Variants in JARID2 observed in about 807,000 individuals in gnomAD.
JARID2 encodes the protein protein Jumonji.
A neutral mutation model predicts 125.6 loss-of-function variants in JARID2; 21 were observed. The ratio of observed to expected loss-of-function variants is 0.17; its 90% CI spans 0.12 to 0.24. The LOEUF (loss-of-function observed/expected upper bound fraction) is 0.24, where lower values mean the gene tolerates loss of function less well. Among genes scored for constraint, JARID2 ranks in the 10% least tolerant of loss-of-function variants. The probability of loss-of-function intolerance (pLI) is 1.00; values close to 1 mark genes in which losing one functional copy is unlikely to be tolerated. For synonymous variants in JARID2, 736 were observed against 661.6 expected (o/e 1.11, Z -1.73); for missense variants, 1,303 against 1,639.6 (o/e 0.79, Z 3.55).
At chr6:15,283,017 T>G (rs147518452) in intron 1 of JARID2, among the ~76,000 whole-genome samples, 2 of 152,146 alleles carry the variant, frequency 1.3e-5, no homozygotes, top group Non-Finnish European at 2.9e-5. Flanking sequence ...CTCACTCTGT[T>G]GCCCAGGCTG....
chr6:15,254,475 T>C (rs1327337072), intron 1 of JARID2, among the ~76,000 whole-genome samples: 1 of 152,170 alleles, frequency 6.6e-6, no homozygotes, highest in Non-Finnish European at 1.5e-5. Context: ...GATGTGTTAA[T>C]GAGGCGGTGT....
At chr6:15,504,897 T>C (rs760658) in intron 9 of JARID2, among the ~76,000 whole-genome samples, 138,267 of 152,260 alleles carry the variant, frequency 0.91, 62,830 homozygotes, top group African/African-American at 0.95. Context: ...CACCCGGCTG[T>C]TTCTCACCCC....
intron 2 of JARID2, among the ~76,000 whole-genome samples, chr6:15,400,239 C>T (rs1462444480): frequency 6.6e-6 from 1 of 151,922 alleles, no homozygotes; most frequent in Non-Finnish European, 1.5e-5. Context: ...AGCGGTGGCC[C>T]ATGCGGTCAC....
chr6:15,445,560 T>C (rs1322450307), intron 3 of JARID2, among the ~76,000 whole-genome samples: 3 of 152,132 alleles, frequency 2.0e-5, no homozygotes, highest in Non-Finnish European at 4.4e-5. Context: ...TAGGGATCTT[T>C]CCCCCTTCGA....
At chr6:15,503,552 C>T (rs1561911011) in intron 8 of JARID2, among the ~76,000 whole-genome samples, 5 of 152,288 alleles carry the variant, frequency 3.3e-5, no homozygotes, top group Admixed American at 3.3e-4. Flanking sequence ...CTCTACATGA[C>T]ACCTGGCACC....
chr6:15,463,983 A>G (rs1768587081), intron 4 of JARID2, among the ~76,000 whole-genome samples: 1 of 152,222 alleles, frequency 6.6e-6, no homozygotes, highest in Non-Finnish European at 1.5e-5. Context: ...TATGTAGGTA[A>G]AGAGGAAATA....
intron 6 of JARID2, among the ~76,000 whole-genome samples, chr6:15,491,507 TTC>T (rs1015625565): frequency 3.2e-4 from 48 of 152,346 alleles, no homozygotes; most frequent in Admixed American, 3.0e-3. Context: ...CACCAACTGT[TTC>T]TCTCTCTGGG....
chr6:15,391,074 C>T (rs760512249), intron 2 of JARID2, among the ~76,000 whole-genome samples: 10 of 152,150 alleles, frequency 6.6e-5, no homozygotes, highest in Non-Finnish European at 4.4e-5. Context: ...TACAGTACCC[C>T]GTGACTTCCT....
intron 1 of JARID2, among the ~76,000 whole-genome samples, chr6:15,307,115 G>A (rs1186356190): frequency 2.6e-5 from 4 of 151,824 alleles, no homozygotes; most frequent in Non-Finnish European, 2.9e-5. Context: ...GGTGGCAGGC[G>A]CCTGTAGTCC....
intron 4 of JARID2, among the ~76,000 whole-genome samples, chr6:15,466,167 C>G (rs1385489615): frequency 3.3e-5 from 5 of 152,138 alleles, no homozygotes; most frequent in African/African-American, 1.2e-4. Flanking sequence ...TCCTTTGCAA[C>G]AGAGGGGAGA....
intron 4 of JARID2, among the ~76,000 whole-genome samples, chr6:15,460,585 G>A (rs540535011): frequency 6.6e-6 from 1 of 152,338 alleles, no homozygotes; most frequent in Non-Finnish European, 1.5e-5. Context: ...GTCCCGCAGG[G>A]AAGTTGAGTA....
At chr6:15,491,118 C>T (rs1770129274) in intron 6 of JARID2, among the ~76,000 whole-genome samples, 1 of 152,156 alleles carries the variant, frequency 6.6e-6, no homozygotes, top group Non-Finnish European at 1.5e-5. Context: ...CTGGAAAATA[C>T]GGCTATTGAG....
chr6:15,448,593 A>G (rs1035098991), intron 3 of JARID2, among the ~76,000 whole-genome samples: 7 of 152,240 alleles, frequency 4.6e-5, no homozygotes, highest in Non-Finnish European at 8.8e-5. Flanking sequence ...CCAATTAAAA[A>G]TACTTTTCAG....
chr6:15,295,115 T>C (rs909148500), intron 1 of JARID2, among the ~76,000 whole-genome samples: 10 of 148,356 alleles, frequency 6.7e-5, no homozygotes, highest in African/African-American at 2.0e-4. Flanking sequence ...TTTCTTTTTT[T>C]TTTCTTTCTT....
chr6:15,439,153 C>G (rs1353422552), intron 3 of JARID2, among the ~76,000 whole-genome samples: 1 of 152,158 alleles, frequency 6.6e-6, no homozygotes, highest in African/African-American at 2.4e-5. Context: ...TTAATTACTC[C>G]TGGTGCAAGA....
At chr6:15,373,791 G>T (rs1347468922) in intron 1 of JARID2, among the ~76,000 whole-genome samples, 1 of 152,130 alleles carries the variant, frequency 6.6e-6, no homozygotes, top group Non-Finnish European at 1.5e-5. Context: ...CTGGTTGTGG[G>T]TATAACAACA....
At chr6:15,378,546 A>G (rs929293841) in intron 2 of JARID2, among the ~76,000 whole-genome samples, 3 of 152,128 alleles carry the variant, frequency 2.0e-5, no homozygotes, top group African/African-American at 7.2e-5. Flanking sequence ...TGGGGCCTTT[A>G]TGACTGTTAG....
chr6:15,340,079 C>T (rs1003908556), intron 1 of JARID2, among the ~76,000 whole-genome samples: 12 of 152,104 alleles, frequency 7.9e-5, no homozygotes, highest in African/African-American at 2.7e-4. Context: ...CCCACCTCAG[C>T]CTCCTCAGTA....
intron 4 of JARID2, among the ~76,000 whole-genome samples, chr6:15,461,637 T>C (rs1768454277): frequency 1.3e-5 from 2 of 152,208 alleles, no homozygotes; most frequent in African/African-American, 4.8e-5. Flanking sequence ...AAAGAAGATA[T>C]GCTGTCACCT....
Sources: allele counts gnomAD v4.1 joint callset (sites outside exome capture counted in the v4.1 genomes callset), GRCh38; gene constraint gnomAD v4.1.1; transcripts MANE v1.5; gene names NCBI Gene and HGNC (gene_info 2026-07-23, HGNC 2026-07-21).